Variants in COX15 observed in about 807,000 individuals in gnomAD.
COX15 encodes cytochrome c oxidase assembly factor COX15.
A neutral mutation model predicts 51.9 loss-of-function variants in COX15; 51 were observed. The ratio of observed to expected loss-of-function variants is 0.98; its 90% CI spans 0.78 to 1.24. COX15 has a LOEUF of 1.24. Among genes scored for constraint, COX15 ranks in the 50% most tolerant of loss-of-function variants. The pLI is 0.00. For synonymous variants in COX15, 188 were observed against 190.5 expected (o/e 0.99, Z 0.11); for missense variants, 420 against 501.1 (o/e 0.84, Z 1.55).
chr10:99,696,367 T>G, the COX15 span, among the ~76,000 whole-genome samples: 1 of 152,212 alleles, frequency 6.6e-6, no homozygotes. Flanking sequence ...TCTTGCTGTT[T>G]CCCATATTCA....
the COX15 span, chr10:99,702,768 A>G: frequency 8.1e-7 from 1 of 1,230,484 alleles, no homozygotes; most frequent in East Asian, 2.7e-5. Context: ...TAACCAGCTT[A>G]GAATAGGTCT....
At chr10:99,729,114 G>A (rs1052193775) in intron 2 of COX15, among the ~76,000 whole-genome samples, 1 of 152,160 alleles carries the variant, frequency 6.6e-6, no homozygotes, top group African/African-American at 2.4e-5. Flanking sequence ...CCTTCTTTAA[G>A]GCCTCGGTTT....
In COX15 at chr10:99,725,936, T is replaced by C. The variant is rs546245028; in HGVS notation, c.582+1032A>G. 6.1e-4 allele frequency among the ~76,000 whole-genome samples: 93 copies of C among 152,338 alleles called. 1 individual carries two copies. Among genetic ancestry groups the C allele is most frequent in the Middle Eastern group, 3.4e-3 (1 of 294 alleles). The stretch of plus-strand genomic sequence containing the variant: ...CTCCTGATTAAATTTTGATGTTTCT[T>C]TGATGCCCTGATAATCTCCTTTAGG... On this transcript the variant is annotated intron_variant, in intron 4 of 8. Coordinates refer to ENST00000016171, the MANE Select transcript of COX15 (RefSeq NM_078470.6).
At chr10:99,721,499 T>C (rs140157363) in intron 5 of COX15, among the ~76,000 whole-genome samples, 16 of 152,368 alleles carry the variant, frequency 1.1e-4, no homozygotes, top group East Asian at 9.6e-4. Flanking sequence ...AGAATCAAAA[T>C]TGCATAAAGT....
At chr10:99,698,515 G>GT in the COX15 span, 1 of 1,608,338 alleles carries the variant, frequency 6.2e-7, no homozygotes, top group African/African-American at 1.3e-5. Flanking sequence ...TTGTTTGTTT[G>GT]TTTTTGTCAT....
At chr10:99,725,571 T>A (rs529914581) in intron 4 of COX15, among the ~76,000 whole-genome samples, 11 of 152,358 alleles carry the variant, frequency 7.2e-5, no homozygotes, top group African/African-American at 2.4e-4. Flanking sequence ...TTATTTATTT[T>A]TTTTGAGCCA....
At chr10:99,716,535 T>G (rs1347105925) in intron 7 of COX15, 74 bp from the exon 8 acceptor site, 18 of 1,016,294 alleles carry the variant, frequency 1.8e-5, no homozygotes, top group Non-Finnish European at 2.8e-5. Flanking sequence ...GTATCTCCTC[T>G]AGAACCACTC....
In COX15 at chr10:99,711,274, A is replaced by G; in HGVS notation, c.*3313T>C. ...ATGAGTTGCTACTTCCTTGGAGGCA[A>G]CTGTAGAAGCATTAATATATGGTTC... On this transcript the variant is annotated 3_prime_UTR_variant, in exon 9 of 9. Coordinates refer to ENST00000016171, the MANE Select transcript of COX15 (RefSeq NM_078470.6). 1 of 985,426 alleles carries G rather than the reference A, an allele frequency of 1.0e-6. No individual in the cohort carries two copies. The highest frequency in any genetic ancestry group is 1.7e-5 in the African/African-American group (1 of 57,356). 61.0% of individuals were successfully genotyped at this position (985,426 alleles called of 1,614,324 possible). A position where few individuals can be genotyped will look rare whatever the true frequency, so the allele number is the denominator to read the frequency against.
the COX15 span, chr10:99,704,552 C>T: frequency 1.9e-6 from 3 of 1,614,200 alleles, no homozygotes; most frequent in Non-Finnish European, 2.5e-6. Context: ...CCTGGTGGTG[C>T]TACTGGCCAT....
chr10:99,709,233 G>C, downstream of COX15: 1 of 985,302 alleles, frequency 1.0e-6, no homozygotes. Context: ...TCCAGACTCT[G>C]TTACAGAAAC....
chr10:99,719,143 T>C (rs978161445), intron 6 of COX15, among the ~76,000 whole-genome samples: 4 of 152,188 alleles, frequency 2.6e-5, no homozygotes. Context: ...AAAGAGGGTA[T>C]TCATGAATTA....
the COX15 span, among the ~76,000 whole-genome samples, chr10:99,694,351 C>T: frequency 1.3e-5 from 2 of 152,148 alleles, no homozygotes; most frequent in Non-Finnish European, 2.9e-5. Flanking sequence ...TCAGCCATCT[C>T]GTGGTATGGG....
the COX15 span, among the ~76,000 whole-genome samples, chr10:99,699,196 G>A: frequency 4.6e-5 from 7 of 152,118 alleles, no homozygotes; most frequent in East Asian, 1.9e-4. Context: ...GTCACCTCCA[G>A]TATTTTTCCT....
the COX15 span, chr10:99,696,122 G>A: frequency 1.9e-6 from 3 of 1,612,778 alleles, no homozygotes; most frequent in Admixed American, 5.0e-5. Flanking sequence ...AACAAAAACA[G>A]GTACATTTGA....
At chr10:99,698,713 A>C in the COX15 span, 1 of 1,614,234 alleles carries the variant, frequency 6.2e-7, no homozygotes. Flanking sequence ...AACACCAGCC[A>C]GGCCTCACTC....
chr10:99,716,463 T>A lies in COX15; in HGVS notation c.988-2A>T, dbSNP rs775234363. ...AATGGCAGTGACTGAAGTGATTCCCTGCAGGGAAGAAAGAGTCTATCACAT... is the reference window on the plus strand; with the variant it reads ...AATGGCAGTGACTGAAGTGATTCCCAGCAGGGAAGAAAGAGTCTATCACAT... On this transcript the variant is annotated splice_acceptor_variant, in intron 7 of 8. Coordinates refer to ENST00000016171, the MANE Select transcript of COX15 (RefSeq NM_078470.6). LOFTEE classifies it high-confidence loss of function. The A allele has an allele frequency of 1.9e-5, 30 of 1,597,894 alleles. No homozygotes were observed. Among genetic ancestry groups the A allele is most frequent in the Non-Finnish European group, 2.6e-5 (30 of 1,165,638 alleles).
At position 99,727,005 on chromosome 10, in the gene COX15, C is replaced by T; in HGVS notation, c.545G>A (p.Gly182Glu). ...GAGGCCACAGAGGGCAAGAACACGT[C>T]CTTTCATGCCACGGCTGAGCCAGCC... is the stretch of plus-strand genomic sequence containing the variant. ...RKGWLSRGMKGRVLALCGLVC... is the reference protein window; with the variant it reads ...RKGWLSRGMKERVLALCGLVC... Residue 182 changes from glycine (G) to glutamate (E), a missense_variant, in exon 4 of 9, where the codon GGA becomes GAA. Gly to Glu is a moderately conservative substitution (Grantham distance 98, BLOSUM62 -2). Coordinates refer to ENST00000016171, the MANE Select transcript of COX15 (RefSeq NM_078470.6). The T allele has an allele frequency of 6.2e-7, 1 of 1,614,138 alleles. No individual in the cohort carries two copies.
At chr10:99,730,585 C>A (rs1393222386) in intron 1 of COX15, among the ~76,000 whole-genome samples, 3 of 149,364 alleles carry the variant, frequency 2.0e-5, no homozygotes. Context: ...CTCCATCTCT[C>A]AAAAAAAAAA....
intron 5 of COX15, among the ~76,000 whole-genome samples, chr10:99,721,748 T>A (rs904925048): frequency 6.6e-6 from 1 of 152,150 alleles, no homozygotes; most frequent in Non-Finnish European, 1.5e-5. Flanking sequence ...ATGGAAAAGT[T>A]CTATCATCTA....
Sources: allele counts gnomAD v4.1 joint callset (sites outside exome capture counted in the v4.1 genomes callset), GRCh38; gene constraint gnomAD v4.1.1; transcripts MANE v1.5; gene names NCBI Gene and HGNC (gene_info 2026-07-23, HGNC 2026-07-21).